The following GRIA4 variants were observed in gnomAD, a reference collection of about 807,000 sequenced individuals.
The protein encoded by GRIA4 is glutamate receptor 4.
In GRIA4, 34 loss-of-function variants were observed where a neutral mutation model predicts 104.0. The ratio of observed to expected loss-of-function variants is 0.33; its 90% confidence interval spans 0.25 to 0.44. The LOEUF (loss-of-function observed/expected upper bound fraction) is 0.44. Ranked by LOEUF, GRIA4 falls within the 20% of genes least tolerant of loss-of-function variation. The pLI, the probability that GRIA4 is intolerant of heterozygous loss-of-function variation, is 1.00. For synonymous variants in GRIA4, 386 were observed against 381.9 expected, an observed-to-expected ratio of 1.01 and a Z score of -0.13; for missense variants, 750 against 1,096.5, an observed-to-expected ratio of 0.68 and a Z score of 4.46.
At chr11:105,797,490 C>G (rs961186794) in intron 4 of GRIA4, among the ~76,000 whole-genome samples, 3 of 151,982 alleles carry the variant, frequency 2.0e-5, no homozygotes, top group African/African-American at 7.2e-5. Context: ...TTCAAATTAC[C>G]ACGCCCTAAA....
chr11:105,664,177 C>G (rs1317784571), intron 3 of GRIA4, among the ~76,000 whole-genome samples: 1 of 148,764 alleles, frequency 6.7e-6, no homozygotes, highest in African/African-American at 2.5e-5. Context: ...AACCTACATT[C>G]TAGTCATGTG....
chr11:105,629,468 G>T (rs1950977061), intron 3 of GRIA4, among the ~76,000 whole-genome samples: 1 of 151,392 alleles, frequency 6.6e-6, no homozygotes, highest in South Asian at 2.1e-4. Context: ...TAATGGTGAG[G>T]GAAAAAGATA....
chr11:105,904,404 T>A (rs1946970611), intron 8 of GRIA4, among the ~76,000 whole-genome samples: 2 of 152,190 alleles, frequency 1.3e-5, no homozygotes, highest in South Asian at 4.1e-4. Context: ...ATTCTGTGGC[T>A]TGATAATATC....
intron 4 of GRIA4, among the ~76,000 whole-genome samples, chr11:105,792,557 C>A (rs140404796): frequency 9.2e-5 from 14 of 152,116 alleles, no homozygotes; most frequent in African/African-American, 3.1e-4. Context: ...GTTCCATATA[C>A]CACCCAAAAT....
intron 4 of GRIA4, among the ~76,000 whole-genome samples, chr11:105,766,895 A>G (rs1475734701): frequency 1.3e-5 from 2 of 152,186 alleles, no homozygotes; most frequent in East Asian, 1.9e-4. Flanking sequence ...TACCTTCTCA[A>G]TGTGGCCCTC....
At chr11:105,746,502 G>A (rs1939668115) in intron 3 of GRIA4, among the ~76,000 whole-genome samples, 1 of 151,718 alleles carries the variant, frequency 6.6e-6, no homozygotes, top group African/African-American at 2.4e-5. Context: ...GGGAAAGTTT[G>A]CTGAAAATGA....
At chr11:105,927,015 T>G in intron 13 of GRIA4, 76 bp downstream of exon 13, 1 of 907,544 alleles carries the variant, frequency 1.1e-6, no homozygotes, top group South Asian at 1.4e-5. Context: ...AATTATACCA[T>G]GGGCTTTAGC....
intron 14 of GRIA4, among the ~76,000 whole-genome samples, chr11:105,963,524 T>G (rs1948791562): frequency 6.6e-6 from 1 of 152,116 alleles, no homozygotes. Context: ...GTAAATTTCA[T>G]ATATGATGGT....
intron 4 of GRIA4, among the ~76,000 whole-genome samples, chr11:105,833,518 AT>A (rs899793426): frequency 2.6e-5 from 4 of 151,952 alleles, no homozygotes; most frequent in Non-Finnish European, 5.9e-5. Flanking sequence ...AAATAATGCT[AT>A]TTTTATATAT....
intron 3 of GRIA4, among the ~76,000 whole-genome samples, chr11:105,619,354 C>G (rs966779111): frequency 6.6e-6 from 1 of 151,808 alleles, no homozygotes; most frequent in Non-Finnish European, 1.5e-5. Flanking sequence ...AGTTAAAAAT[C>G]AGTTATTATA....
At chr11:105,714,258 A>C (rs900642256) in intron 3 of GRIA4, among the ~76,000 whole-genome samples, 89 of 150,446 alleles carry the variant, frequency 5.9e-4, no homozygotes, top group African/African-American at 2.1e-3. Context: ...GAAAAACAAA[A>C]AAAAAAATCA....
intron 3 of GRIA4, among the ~76,000 whole-genome samples, chr11:105,654,353 C>T (rs1212042256): frequency 6.8e-6 from 1 of 147,442 alleles, no homozygotes; most frequent in Non-Finnish European, 1.5e-5. Flanking sequence ...AGTGCCCCCA[C>T]TGAAAAAAAA....
At chr11:105,769,523 C>T (rs1251843384) in intron 4 of GRIA4, among the ~76,000 whole-genome samples, 1 of 151,896 alleles carries the variant, frequency 6.6e-6, no homozygotes, top group African/African-American at 2.4e-5. Flanking sequence ...GAGAATGGGG[C>T]TGACAAGTTT....
Position 105,875,699 on chromosome 11 carries a change from A to C in GRIA4, c.673-11820A>C, listed in dbSNP as rs570504012. Among the ~76,000 whole-genome samples the C allele has an allele frequency of 2.0e-5, 3 of 152,188 alleles. No homozygotes were observed. The South Asian group carries it at 6.2e-4, about 32-fold the overall frequency. On this transcript the variant is annotated intron_variant, in intron 5 of 16. Coordinates refer to ENST00000282499, the MANE Select transcript of GRIA4 (RefSeq NM_000829.4). ...CTTCTCGATGTTCTAGTTTATTTGCATAGAGGTGTTTATAGTATTCTCTGA... is the reference window on the plus strand; with the variant it reads ...CTTCTCGATGTTCTAGTTTATTTGCCTAGAGGTGTTTATAGTATTCTCTGA...
chr11:105,835,038 T>C (rs935571034), intron 4 of GRIA4, among the ~76,000 whole-genome samples: 2 of 152,050 alleles, frequency 1.3e-5, no homozygotes, highest in Non-Finnish European at 2.9e-5. Flanking sequence ...AGCCCTACTT[T>C]TGAGAAATGT....
intron 3 of GRIA4, among the ~76,000 whole-genome samples, chr11:105,632,246 T>C (rs1260167092): frequency 6.6e-6 from 1 of 152,216 alleles, no homozygotes; most frequent in East Asian, 1.9e-4. Flanking sequence ...TCATCTCTTA[T>C]AATTTCTTAC....
intron 3 of GRIA4, among the ~76,000 whole-genome samples, chr11:105,650,156 CT>C (rs1428428056): frequency 6.6e-6 from 1 of 152,146 alleles, no homozygotes; most frequent in African/African-American, 2.4e-5. Context: ...TTAAACTATT[CT>C]ACATTTACAA....
chr11:105,909,193 C>T (rs1211721008), intron 9 of GRIA4, among the ~76,000 whole-genome samples: 1 of 152,022 alleles, frequency 6.6e-6, no homozygotes, highest in Non-Finnish European at 1.5e-5. Flanking sequence ...TAATCTAGTG[C>T]CTCTTTCTGA....
chr11:105,876,590 G>A (rs1402164856), intron 5 of GRIA4, among the ~76,000 whole-genome samples: 3 of 152,152 alleles, frequency 2.0e-5, no homozygotes, highest in Admixed American at 6.5e-5. Flanking sequence ...TTATGAATCT[G>A]GGTGCTCCTG....
Sources: gnomAD v4.1 joint callset for allele counts (sites outside exome capture counted in the v4.1 genomes callset) on GRCh38, gnomAD v4.1.1 for gene constraint, MANE v1.5 for transcripts, NCBI Gene and HGNC (gene_info 2026-07-23, HGNC 2026-07-21) for gene names.